The following PBX1 variants were observed in gnomAD, a reference collection of about 807,000 sequenced individuals.
PBX1 encodes the protein pre-B-cell leukemia transcription factor 1.
A neutral mutation model predicts 53.4 loss-of-function variants in PBX1; 6 were observed. That is an observed-to-expected ratio of 0.11 (90% CI 0.06 to 0.22). The LOEUF (loss-of-function observed/expected upper bound fraction) is 0.22, where lower values mean the gene tolerates loss of function less well. Ranked by LOEUF, PBX1 falls within the 10% of genes least tolerant of loss-of-function variation. The pLI is 1.00. For synonymous variants in PBX1, 204 were observed against 212.3 expected (o/e 0.96, Z 0.34); for missense variants, 251 against 551.4 (o/e 0.46, Z 5.46).
At chr1:164,794,862 A>C (rs1010933424) in intron 3 of PBX1, among the ~76,000 whole-genome samples, 1 of 152,222 alleles carries the variant, frequency 6.6e-6, no homozygotes, top group African/African-American at 2.4e-5. Flanking sequence ...ACAAGCCCAG[A>C]GTGCGACTTC....
chr1:164,682,523 T>A (rs1661840466), intron 2 of PBX1: 1 of 152,134 alleles, frequency 6.6e-6, no homozygotes, highest in South Asian at 2.1e-4. Context: ...TTAGGAATGA[T>A]GTCTTTTAGT....
At chr1:164,860,306 G>T (rs528043658) in intron 2 of PBX1, among the ~76,000 whole-genome samples, 2 of 152,184 alleles carry the variant, frequency 1.3e-5, no homozygotes, top group African/African-American at 4.8e-5. Context: ...ACTTAGATGA[G>T]TTAGCAATTG....
intron 8 of PBX1, chr1:164,829,933 A>T (rs1670669115): frequency 6.6e-6 from 1 of 152,200 alleles, no homozygotes; most frequent in African/African-American, 2.4e-5. Flanking sequence ...CACGTTTTTC[A>T]AAATAAACAT....
chr1:164,644,924 A>G (rs1003470993), intron 2 of PBX1, among the ~76,000 whole-genome samples: 3 of 152,186 alleles, frequency 2.0e-5, no homozygotes, highest in Non-Finnish European at 2.9e-5. Context: ...CTTGGAGTTC[A>G]TATACAGTAA....
intron 2 of PBX1, among the ~76,000 whole-genome samples, chr1:164,586,399 A>C (rs560241419): frequency 9.9e-5 from 15 of 152,132 alleles, no homozygotes; most frequent in Non-Finnish European, 1.9e-4. Context: ...TTTCATTTCC[A>C]AGGTGGAATG....
intron 2 of PBX1, among the ~76,000 whole-genome samples, chr1:164,660,747 A>T (rs1223424481): frequency 6.6e-6 from 1 of 152,198 alleles, no homozygotes; most frequent in Non-Finnish European, 1.5e-5. Flanking sequence ...GAGGTTAGAA[A>T]ACCAAACATA....
Position 164,576,731 on chromosome 1 carries a change from C to G in PBX1, c.265+13420C>G, listed in dbSNP as rs561287965. ...GTGGTAAAGAGAGGGCCGCCGCCCC[C>G]CAGGGGGAAGACATCCTCTTGGGAG... is the stretch of plus-strand genomic sequence containing the variant. On this transcript the variant is annotated intron_variant, in intron 2 of 8. Coordinates refer to ENST00000420696, the MANE Select transcript of PBX1 (RefSeq NM_002585.4). The G allele has an allele frequency of 3.3e-5, 5 of 152,312 alleles. No homozygotes were observed. The East Asian group carries it at 7.7e-4, about 24-fold the overall frequency. 9.4% of individuals were successfully genotyped at this position (152,312 alleles called of 1,614,324 possible).
intron 2 of PBX1, chr1:164,771,114 G>A (rs1211452072): frequency 6.6e-6 from 1 of 152,136 alleles, no homozygotes; most frequent in Non-Finnish European, 1.5e-5. Flanking sequence ...GAGACCGCCA[G>A]GGGATTTCAG....
chr1:164,681,178 G>A (rs1260954615), intron 2 of PBX1, among the ~76,000 whole-genome samples: 4 of 152,130 alleles, frequency 2.6e-5, no homozygotes, highest in Non-Finnish European at 4.4e-5. Context: ...CCAGGAGTTC[G>A]AGGCTATAGT....
At position 164,875,988 on chromosome 1, in the gene PBX1, G is replaced by GTGTATATATATATATATATATA. The variant is rs776802784; in HGVS notation, n.258-23199_258-23198insGTATATATATATATATATATAT. Among the ~76,000 whole-genome samples, 55 of 56,946 alleles carry GTGTATATATATATATATATATA rather than the reference G, an allele frequency of 9.7e-4. 3 individuals carry two copies. The highest frequency in any genetic ancestry group is 2.1e-3 in the Non-Finnish European group (47 of 22,142). 37.4% of individuals were successfully genotyped at this position (56,946 alleles called of 152,430 possible). A position where few individuals can be genotyped will look rare whatever the true frequency, so the allele number is the denominator to read the frequency against. On this transcript the variant is annotated intron_variant and non_coding_transcript_variant, in intron 2 of 2. Coordinates refer to the PBX1 transcript ENST00000558796. ...ATACCTATATATATTTGGTGTATGT[G>GTGTATATATATATATATATATA]TATATATATATATATATACACACAT...
intron 2 of PBX1, among the ~76,000 whole-genome samples, chr1:164,681,305 T>C (rs1048180582): frequency 6.6e-6 from 1 of 152,182 alleles, no homozygotes; most frequent in African/African-American, 2.4e-5. Context: ...GCTCAGGTAA[T>C]AGAAAATGAA....
chr1:164,735,309 G>A lies in PBX1; in HGVS notation c.266-57185G>A, dbSNP rs151289668. 2.4e-3 allele frequency among the ~76,000 whole-genome samples: 361 copies of A among 152,298 alleles called. 1 individual carries two copies. Among genetic ancestry groups the A allele is most frequent in the Non-Finnish European group, 3.6e-3 (242 of 68,030 alleles). On this transcript the variant is annotated intron_variant, in intron 2 of 8. Transcript: ENST00000420696. ...TGAGATTAAGTTATATGTATTATGCGTCTATAAAACATGTATGTTTTTGCT... is the reference window on the plus strand; with the variant it reads ...TGAGATTAAGTTATATGTATTATGCATCTATAAAACATGTATGTTTTTGCT...
intron 2 of PBX1, among the ~76,000 whole-genome samples, chr1:164,755,190 C>T (rs1666443936): frequency 6.6e-6 from 1 of 152,130 alleles, no homozygotes; most frequent in Non-Finnish European, 1.5e-5. Flanking sequence ...TGGGTATTTT[C>T]ACCCTTCTTG....
In PBX1 at chr1:164,846,995, A is replaced by C. The variant is rs1027482280; in HGVS notation, c.*319A>C. 3.2e-5 allele frequency: 38 copies of C among 1,182,838 alleles called. No individual in the cohort carries two copies. In the African/African-American group the frequency reaches 5.6e-4, roughly 18 times the overall value. 73.3% of individuals were successfully genotyped at this position (1,182,838 alleles called of 1,614,324 possible). A position where few individuals can be genotyped will look rare whatever the true frequency, so the allele number is the denominator to read the frequency against. On this transcript the variant is annotated 3_prime_UTR_variant, in exon 9 of 9. Coordinates refer to ENST00000420696, the MANE Select transcript of PBX1 (RefSeq NM_002585.4). ...TCCCCGCCCTCTCTCATATCACTGA[A>C]GGATATTTTCAACAATTAGAGGAAT...
intron 6 of PBX1, chr1:164,817,404 T>C (rs1669924424): frequency 6.6e-6 from 1 of 152,216 alleles, no homozygotes; most frequent in Non-Finnish European, 1.5e-5. Context: ...TGGACTTCCG[T>C]CTGCTTCATT....
chr1:164,581,156 C>G (rs1654588037), intron 2 of PBX1, among the ~76,000 whole-genome samples: 1 of 151,998 alleles, frequency 6.6e-6, no homozygotes, highest in Non-Finnish European at 1.5e-5. Context: ...ATGGTGAGAC[C>G]CAAAAGTCTC....
chr1:164,774,466 C>G (rs1351049493), intron 2 of PBX1: 2 of 152,136 alleles, frequency 1.3e-5, no homozygotes, highest in Non-Finnish European at 2.9e-5. Context: ...TTTGTGATGT[C>G]TATGTCAGCT....
intron 1 of PBX1, chr1:164,560,452 T>C (rs1652956200): frequency 2.8e-6 from 1 of 355,264 alleles, no homozygotes; most frequent in South Asian, 1.5e-4. Context: ...CCAAGAACAC[T>C]TTATTTGCAA....
chr1:164,591,875 T>C (rs763727946), intron 2 of PBX1, among the ~76,000 whole-genome samples: 2 of 152,224 alleles, frequency 1.3e-5, no homozygotes, highest in African/African-American at 4.8e-5. Context: ...TTCTTGTTTC[T>C]TGTGAGCCTG....
Sources: gnomAD v4.1 joint callset for allele counts (sites outside exome capture counted in the v4.1 genomes callset) on GRCh38, gnomAD v4.1.1 for gene constraint, MANE v1.5 for transcripts, NCBI Gene and HGNC (gene_info 2026-07-23, HGNC 2026-07-21) for gene names.